CABIN1: variants seen among roughly 807,000 people sequenced by gnomAD.
The protein encoded by CABIN1 is calcineurin-binding protein cabin-1.
Under a neutral mutation model 227.7 loss-of-function variants are expected in CABIN1, and 133 were observed. That is an observed-to-expected ratio of 0.58 (90% CI 0.51 to 0.67). CABIN1 has a LOEUF of 0.67. CABIN1 is among the 30% of genes least tolerant of loss of function. The probability of loss-of-function intolerance (pLI) is 0.00; values close to 1 mark genes in which losing one functional copy is unlikely to be tolerated. For missense variants in CABIN1, 2,408 were observed against 2,852.5 expected (o/e 0.84, Z 3.55); for synonymous variants, 1,086 against 1,155.1 (o/e 0.94, Z 1.21).
chr22:24,157,672 C>T (rs563846364), intron 29 of CABIN1, among the ~76,000 whole-genome samples: 6 of 152,310 alleles, frequency 3.9e-5, no homozygotes, highest in South Asian at 4.1e-4. Context: ...CAAGCTGTTT[C>T]GCCGCTTTGG....
chr22:24,013,543 A>G (rs990871190), intron 1 of CABIN1, among the ~76,000 whole-genome samples: 2 of 152,202 alleles, frequency 1.3e-5, no homozygotes, highest in Admixed American at 1.3e-4. Flanking sequence ...GAAAAATTGC[A>G]ACAATACAAA....
intron 28 of CABIN1, among the ~76,000 whole-genome samples, chr22:24,129,315 C>T (rs1032180326): frequency 1.3e-5 from 2 of 152,188 alleles, no homozygotes; most frequent in Non-Finnish European, 1.5e-5. Flanking sequence ...CCAATGTGTG[C>T]TGTAGTGAAA....
At chr22:24,104,747 C>T (rs775611639) in intron 26 of CABIN1, among the ~76,000 whole-genome samples, 16 of 152,282 alleles carry the variant, frequency 1.1e-4, no homozygotes, top group Admixed American at 7.2e-4. Context: ...CTGTGGTTGG[C>T]CAGGATTGAC....
At chr22:24,136,022 A>G (rs905132481) in intron 29 of CABIN1, among the ~76,000 whole-genome samples, 1 of 152,126 alleles carries the variant, frequency 6.6e-6, no homozygotes, top group Non-Finnish European at 1.5e-5. Flanking sequence ...TTGGTAATCA[A>G]TCTACATGAT....
At chr22:24,112,046 T>G (rs1018500448) in intron 26 of CABIN1, among the ~76,000 whole-genome samples, 2 of 152,254 alleles carry the variant, frequency 1.3e-5, no homozygotes, top group Non-Finnish European at 1.5e-5. Context: ...TGAATCATAT[T>G]AATCTTAGTT....
At chr22:24,091,562 A>G (rs1157134977) in intron 23 of CABIN1, 21 bp from the exon 24 acceptor site, 11 of 1,614,004 alleles carry the variant, frequency 6.8e-6, no homozygotes, top group African/African-American at 1.3e-5. Flanking sequence ...AGGCCAGCCC[A>G]GTCTCATGAT....
chr22:24,045,902 T>C (rs1034685809), intron 6 of CABIN1, among the ~76,000 whole-genome samples: 5 of 152,196 alleles, frequency 3.3e-5, no homozygotes, highest in Admixed American at 1.3e-4. Flanking sequence ...ATCTTTTTAA[T>C]TGAGGCAAAA....
intron 19 of CABIN1, among the ~76,000 whole-genome samples, chr22:24,082,009 G>A (rs192064508): frequency 4.6e-4 from 70 of 152,060 alleles, no homozygotes; most frequent in African/African-American, 1.6e-3. Flanking sequence ...CCTGGGCGAC[G>A]GAGCGAGACT....
chr22:24,167,422 A>C (rs2046517855), intron 32 of CABIN1, 109 bp downstream of exon 32: 3 of 1,026,210 alleles, frequency 2.9e-6, no homozygotes, highest in Non-Finnish European at 4.4e-6. Context: ...GGCGGGTTTT[A>C]GGTGTTGTTC....
intron 27 of CABIN1, among the ~76,000 whole-genome samples, chr22:24,119,055 G>A (rs1036216974): frequency 6.6e-6 from 1 of 152,242 alleles, no homozygotes; most frequent in Non-Finnish European, 1.5e-5. Flanking sequence ...CCCCAGAGGT[G>A]GGACAGCCTG....
intron 26 of CABIN1, among the ~76,000 whole-genome samples, chr22:24,108,042 G>C (rs1049509240): frequency 6.6e-6 from 1 of 152,250 alleles, no homozygotes; most frequent in African/African-American, 2.4e-5. Flanking sequence ...TCACTGTCAG[G>C]GCCAGAGTGA....
chr22:24,040,785 T>G (rs576922691), intron 4 of CABIN1, among the ~76,000 whole-genome samples: 134 of 152,360 alleles, frequency 8.8e-4, no homozygotes, highest in Non-Finnish European at 1.6e-3. Context: ...GCTGATACTT[T>G]GTCTTTTATC....
Position 24,087,426 on chromosome 22 carries a change from A to G in CABIN1, c.3264-26A>G, listed in dbSNP as rs1234278259. The G allele has an allele frequency of 1.9e-6, 3 of 1,612,216 alleles. 1 individual carries two copies. The highest frequency in any genetic ancestry group is 2.2e-5 in the South Asian group (2 of 91,042). On this transcript the variant is annotated intron_variant, in intron 22 of 36. Coordinates refer to ENST00000263119, the MANE Select transcript of CABIN1 (RefSeq NM_012295.4). ...ATGCTTTTCATGTAGTGTTGTTTTTAGCTGGTGCTTTTGTTACCACCACAG... is the reference window on the plus strand; with the variant it reads ...ATGCTTTTCATGTAGTGTTGTTTTTGGCTGGTGCTTTTGTTACCACCACAG...
At chr22:24,093,953 T>A (rs1161954276) in intron 24 of CABIN1, among the ~76,000 whole-genome samples, 1 of 152,208 alleles carries the variant, frequency 6.6e-6, no homozygotes, top group Non-Finnish European at 1.5e-5. Flanking sequence ...GAAACACAGC[T>A]TCCTGTTGAA....
At chr22:24,025,528 A>G (rs1203501232) in intron 1 of CABIN1, among the ~76,000 whole-genome samples, 2 of 152,210 alleles carry the variant, frequency 1.3e-5, no homozygotes, top group East Asian at 3.8e-4. Context: ...ATGAGCTGCT[A>G]TCCCTATAGC....
chr22:24,049,972 G>A (rs564033680), intron 7 of CABIN1, among the ~76,000 whole-genome samples: 1 of 152,272 alleles, frequency 6.6e-6, no homozygotes, highest in African/African-American at 2.4e-5. Context: ...ACACCTCAGA[G>A]CTGCTCACTT....
chr22:24,164,630 A>G, intron 30 of CABIN1, 67 bp downstream of exon 30: 2 of 1,548,850 alleles, frequency 1.3e-6, no homozygotes, highest in South Asian at 2.3e-5. Context: ...CACCCCAGGA[A>G]GCCTCTCCAC....
intron 7 of CABIN1, among the ~76,000 whole-genome samples, chr22:24,049,879 T>A (rs1193358506): frequency 6.6e-6 from 1 of 152,084 alleles, no homozygotes; most frequent in East Asian, 1.9e-4. Flanking sequence ...TTGCCAGGTG[T>A]CTTCCCACAG....
At chr22:24,022,423 A>G (rs1221966187) in intron 1 of CABIN1, among the ~76,000 whole-genome samples, 1 of 152,166 alleles carries the variant, frequency 6.6e-6, no homozygotes, top group Non-Finnish European at 1.5e-5. Context: ...AATTCACCTC[A>G]GTTGTTTCAT....
Sources: gnomAD v4.1 joint callset for allele counts (sites outside exome capture counted in the v4.1 genomes callset) on GRCh38, gnomAD v4.1.1 for gene constraint, MANE v1.5 for transcripts, NCBI Gene and HGNC (gene_info 2026-07-23, HGNC 2026-07-21) for gene names.